GLIS3: variants seen among roughly 807,000 people sequenced by gnomAD.
The protein encoded by GLIS3 is zinc finger protein GLIS3.
Under a neutral mutation model 78.6 loss-of-function variants are expected in GLIS3, and 53 were observed. That is an observed-to-expected ratio of 0.67 (90% CI 0.54 to 0.85). The LOEUF is 0.85. Among genes scored for constraint, GLIS3 ranks in the 40% least tolerant of loss-of-function variants. The pLI is 0.00. For synonymous variants in GLIS3, 684 were observed against 509.9 expected, an observed-to-expected ratio of 1.34 and a Z score of -4.60; for missense variants, 1,703 against 1,231.1, an observed-to-expected ratio of 1.38 and a Z score of -5.74.
At chr9:4,364,640 A>C in the GLIS3 span, among the ~76,000 whole-genome samples, 1 of 151,378 alleles carries the variant, frequency 6.6e-6, no homozygotes, top group East Asian at 1.9e-4. Context: ...TAATACTTTA[A>C]CAGTGATTAT....
chr9:4,212,522 G>C (rs1820465799), intron 2 of GLIS3, among the ~76,000 whole-genome samples: 1 of 152,234 alleles, frequency 6.6e-6, no homozygotes, highest in South Asian at 2.1e-4. Flanking sequence ...ATACAGCAGT[G>C]TGTGCTACAA....
the GLIS3 span, among the ~76,000 whole-genome samples, chr9:4,435,315 G>C: frequency 9.2e-5 from 14 of 152,176 alleles, no homozygotes; most frequent in Non-Finnish European, 2.1e-4. Flanking sequence ...GATTGAATGG[G>C]ATTATGAAAC....
chr9:4,199,844 G>A (rs969026455), intron 2 of GLIS3, among the ~76,000 whole-genome samples: 14 of 151,438 alleles, frequency 9.2e-5, no homozygotes, highest in South Asian at 2.1e-4. Flanking sequence ...CACCTTCAAC[G>A]AAAGAATATA....
intron 2 of GLIS3, among the ~76,000 whole-genome samples, chr9:4,332,542 C>T (rs750166237): frequency 1.3e-5 from 2 of 152,218 alleles, no homozygotes; most frequent in African/African-American, 4.8e-5. Context: ...GCTGTAGTAG[C>T]CTTGCACCCA....
At chr9:4,167,193 G>T (rs1815939104) in intron 2 of GLIS3, among the ~76,000 whole-genome samples, 1 of 152,218 alleles carries the variant, frequency 6.6e-6, no homozygotes, top group Non-Finnish European at 1.5e-5. Context: ...AGCTGCAACA[G>T]GAGCTCCTGT....
At chr9:4,109,229 CTTTG>C (rs752651592) in intron 4 of GLIS3, among the ~76,000 whole-genome samples, 10 of 152,098 alleles carry the variant, frequency 6.6e-5, no homozygotes, top group Non-Finnish European at 1.5e-4. Flanking sequence ...CAGTCCAAAC[CTTTG>C]TTTAACAGTA....
At chr9:4,116,156 T>G (rs1831620979) in intron 4 of GLIS3, among the ~76,000 whole-genome samples, 1 of 152,246 alleles carries the variant, frequency 6.6e-6, no homozygotes, top group Admixed American at 6.5e-5. Context: ...TTCTGGATAA[T>G]TCGAGCCTTT....
chr9:4,342,833 G>A (rs560982574), intron 2 of GLIS3, among the ~76,000 whole-genome samples: 23 of 152,214 alleles, frequency 1.5e-4, no homozygotes, highest in Admixed American at 4.6e-4. Flanking sequence ...GTATTCATAG[G>A]TATTTTATTT....
chr9:4,435,912 G>A, the GLIS3 span, among the ~76,000 whole-genome samples: 7 of 152,194 alleles, frequency 4.6e-5, no homozygotes, highest in Non-Finnish European at 8.8e-5. Flanking sequence ...TCGTGCCACT[G>A]CACTCCAGCC....
At chr9:3,958,676 G>A (rs575119088) in intron 4 of GLIS3, among the ~76,000 whole-genome samples, 7 of 152,298 alleles carry the variant, frequency 4.6e-5, no homozygotes, top group South Asian at 4.1e-4. Flanking sequence ...CAGGAAACTC[G>A]CCCAGTATTT....
At chr9:4,371,985 AG>A in the GLIS3 span, among the ~76,000 whole-genome samples, 2 of 152,118 alleles carry the variant, frequency 1.3e-5, no homozygotes, top group East Asian at 1.9e-4. Context: ...GGTTTTTGTC[AG>A]CCCCCTTCTG....
At chr9:4,406,595 C>T in the GLIS3 span, among the ~76,000 whole-genome samples, 3 of 152,136 alleles carry the variant, frequency 2.0e-5, no homozygotes, top group African/African-American at 4.8e-5. Flanking sequence ...CTGATAAATT[C>T]AGTAAAGTTA....
intron 8 of GLIS3, among the ~76,000 whole-genome samples, chr9:3,866,668 G>A (rs552626727): frequency 1.3e-5 from 2 of 152,342 alleles, no homozygotes; most frequent in East Asian, 1.9e-4. Flanking sequence ...CAACAGGCCA[G>A]TGTGGCTGGA....
chr9:4,486,238 T>C, the GLIS3 span, among the ~76,000 whole-genome samples: 1 of 152,044 alleles, frequency 6.6e-6, no homozygotes, highest in Admixed American at 6.5e-5. Context: ...CCTCAAGGTC[T>C]CTCTGACTTC....
chr9:4,266,595 TACACACACAC>T lies in GLIS3; in HGVS notation c.388+19433_388+19442del, dbSNP rs57746056. Among the ~76,000 whole-genome samples the T allele has an allele frequency of 5.4e-3, 813 of 149,384 alleles. 9 individuals are homozygous for T. Among genetic ancestry groups the T allele is most frequent in the African/African-American group, 0.017 (684 of 40,578 alleles). On this transcript the variant is annotated intron_variant, in intron 2 of 10. Coordinates refer to ENST00000381971, the MANE Select transcript of GLIS3 (RefSeq NM_001042413.2). The stretch of plus-strand genomic sequence containing the variant: ...TACATTTTACACATGCATGCGCGTG[TACACACACAC>T]ACACACACACACACACACACACACA...
chr9:4,256,264 A>C lies in GLIS3; in HGVS notation c.388+29774T>G, dbSNP rs1563842330. ...CACTGTGCAAAAAAAGAGTCCTTTT[A>C]GATCTTTGTATCATACCATTCAGCA... On this transcript the variant is annotated intron_variant, in intron 2 of 10. Transcript: ENST00000381971. 3.9e-5 allele frequency among the ~76,000 whole-genome samples: 6 copies of C among 152,176 alleles called. No individual in the cohort carries two copies. The South Asian group carries it at 1.2e-3, about 32-fold the overall frequency.
chr9:4,354,053 G>C, the GLIS3 span, among the ~76,000 whole-genome samples: 1 of 150,516 alleles, frequency 6.6e-6, no homozygotes, highest in East Asian at 2.0e-4. Context: ...AGCCAGGATG[G>C]TCTCTATCTC....
intron 2 of GLIS3, among the ~76,000 whole-genome samples, chr9:4,243,286 T>C (rs998444626): frequency 4.6e-5 from 7 of 152,174 alleles, no homozygotes; most frequent in Admixed American, 1.3e-4. Flanking sequence ...CCAGAAAGGA[T>C]CAGTCAGAGT....
chr9:3,849,227 G>GAA (rs1487331692), intron 9 of GLIS3, among the ~76,000 whole-genome samples: 1 of 152,216 alleles, frequency 6.6e-6, no homozygotes, highest in Non-Finnish European at 1.5e-5. Context: ...GACTTCCAAG[G>GAA]AAGGATATGA....
Sources: allele counts gnomAD v4.1 joint callset (sites outside exome capture counted in the v4.1 genomes callset), GRCh38; gene constraint gnomAD v4.1.1; transcripts MANE v1.5; gene names NCBI Gene and HGNC (gene_info 2026-07-23, HGNC 2026-07-21).